The following PCDHA10 variants were observed in gnomAD, a reference collection of about 807,000 sequenced individuals.
PCDHA10 encodes the protein protocadherin alpha 10.
In PCDHA10, 45 loss-of-function variants were observed where a neutral mutation model predicts 61.2. The observed-to-expected ratio is 0.74, with a 90% CI of 0.58 to 0.94. The LOEUF is 0.94. PCDHA10 is among the 40% of genes least tolerant of loss of function. PCDHA10 has a pLI of 0.00. For missense variants in PCDHA10, 1,278 were observed against 1,236.2 expected (o/e 1.03, Z -0.51); for synonymous variants, 602 against 548.8 (o/e 1.10, Z -1.35).
At position 140,856,648 on chromosome 5, in the gene PCDHA10, T is replaced by C; in HGVS notation, c.600T>C (p.Asp200=). 1 of 1,598,290 alleles carries C rather than the reference T, an allele frequency of 6.3e-7. No homozygotes were observed. Among genetic ancestry groups the C allele is most frequent in the Non-Finnish European group, 8.6e-7 (1 of 1,167,750 alleles). Residue 200 remains aspartate, a synonymous_variant, in exon 1 of 4, where the codon GAT becomes GAC. Coordinates refer to ENST00000307360, the MANE Select transcript of PCDHA10 (RefSeq NM_018901.4). ...FPVLVLRKLL[D]REENPQLKLL... is the part of the protein sequence containing the mutation. Reference sequence around the variant, plus strand: ...TGCTTGTTCTGCGGAAGCTGCTGGATCGTGAAGAAAATCCTCAGCTAAAGT... The same window carrying C: ...TGCTTGTTCTGCGGAAGCTGCTGGACCGTGAAGAAAATCCTCAGCTAAAGT...
chr5:140,888,819 G>A (rs2061994549), intron 1 of PCDHA10, among the ~76,000 whole-genome samples: 1 of 151,908 alleles, frequency 6.6e-6, no homozygotes, highest in African/African-American at 2.4e-5. Context: ...TGTGATCTGT[G>A]ATCACATCAC....
intron 3 of PCDHA10, among the ~76,000 whole-genome samples, chr5:140,983,479 G>A (rs1297150913): frequency 1.3e-5 from 2 of 152,194 alleles, no homozygotes; most frequent in Non-Finnish European, 2.9e-5. Context: ...GATAATAGTA[G>A]TTACTAATTA....
rs782564165 is a variant in PCDHA10, at chr5:141,010,450, G to A, written c.*513G>A. ...AAGAAAACAAAGACAAATAAACAGC[G>A]GAAGTTATCAGTATGGAGGGGAAGT... On this transcript the variant is annotated 3_prime_UTR_variant, in exon 4 of 4. Transcript: ENST00000307360. The A allele has an allele frequency of 6.5e-6, 6 of 920,764 alleles. No individual in the cohort carries two copies. The East Asian group carries it at 8.2e-5, about 13-fold the overall frequency. 57.0% of individuals were successfully genotyped at this position (920,764 alleles called of 1,614,324 possible).
At chr5:140,950,608 T>G (rs1490243292) in intron 1 of PCDHA10, among the ~76,000 whole-genome samples, 1 of 152,086 alleles carries the variant, frequency 6.6e-6, no homozygotes, top group Non-Finnish European at 1.5e-5. Context: ...GACTATGATG[T>G]GCTTATTTAT....
chr5:140,874,141 T>C (rs1554167053), intron 1 of PCDHA10, among the ~76,000 whole-genome samples: 1 of 152,248 alleles, frequency 6.6e-6, no homozygotes, highest in South Asian at 2.1e-4. Context: ...TATCTTATAC[T>C]TGTAGAGCCA....
chr5:140,929,118 A>T, intron 1 of PCDHA10: 2 of 1,614,150 alleles, frequency 1.2e-6, no homozygotes, highest in Non-Finnish European at 1.7e-6. Context: ...CAGCCACCAT[A>T]GATGTCACTA....
intron 1 of PCDHA10, among the ~76,000 whole-genome samples, chr5:140,941,599 G>A (rs1017713166): frequency 3.3e-5 from 5 of 152,116 alleles, no homozygotes; most frequent in African/African-American, 1.2e-4. Flanking sequence ...ACAGCCATGA[G>A]CCATGGTGCC....
chr5:140,976,819 T>C (rs1380206599), intron 1 of PCDHA10, among the ~76,000 whole-genome samples: 3 of 152,222 alleles, frequency 2.0e-5, no homozygotes, highest in Admixed American at 2.0e-4. Flanking sequence ...TATGCATGTG[T>C]CTAATGAGCA....
In PCDHA10 at chr5:140,916,964, T is replaced by C. The variant is rs139574694; in HGVS notation, c.2388+58528T>C. On this transcript the variant is annotated intron_variant, in intron 1 of 3. Transcript: ENST00000307360. The stretch of plus-strand genomic sequence containing the variant: ...GTGAGGCTTGCTGAGTTCTGACTGC[T>C]GGGATGAGTGATTCGCCTCTGGCCA... Among the ~76,000 whole-genome samples, 15 of 152,322 alleles carry C rather than the reference T, an allele frequency of 9.8e-5. No individual in the cohort carries two copies. In the East Asian group the frequency reaches 2.9e-3, roughly 29 times the overall value.
chr5:140,981,232 T>G (rs768766953), intron 2 of PCDHA10, among the ~76,000 whole-genome samples: 32 of 152,216 alleles, frequency 2.1e-4, no homozygotes, highest in Non-Finnish European at 4.3e-4. Context: ...GTAGTCTAAA[T>G]TTTATTTTAG....
At chr5:140,881,563 T>C (rs894982822) in intron 1 of PCDHA10, among the ~76,000 whole-genome samples, 4 of 152,232 alleles carry the variant, frequency 2.6e-5, no homozygotes, top group Non-Finnish European at 5.9e-5. Flanking sequence ...AAATATCTTA[T>C]CTACATCTCA....
rs1554149566 is a variant in PCDHA10 at position 140,857,139 on chromosome 5, T to C, written c.1091T>C (p.Val364Ala). ...CTCCCAGTGAAAGAAGATGCTCAAG[T>C]GGGCACCGTCATTGCCCTAATCAGC... ...LSLPVKEDAQ[V>A]GTVIALISVS... Residue 364 changes from valine (V) to alanine (A), a missense_variant, in exon 1 of 4, where the codon GTG (valine) becomes GCG (alanine). By Grantham distance (64) the Val-to-Ala change is moderately conservative (BLOSUM62 0). Transcript: ENST00000307360. 4 of 1,598,152 alleles carry C rather than the reference T, an allele frequency of 2.5e-6. 1 individual carries two copies. The highest frequency in any genetic ancestry group is 1.7e-5 in the Admixed American group (1 of 59,246).
Position 140,857,273 on chromosome 5 carries a change from G to A in PCDHA10, c.1225G>A (p.Asp409Asn). 3 of 1,598,730 alleles carry A rather than the reference G, an allele frequency of 1.9e-6. No homozygotes were observed. Among genetic ancestry groups the A allele is most frequent in the Middle Eastern group, 1.7e-4 (1 of 5,924 alleles). The change falls in exon 1 of 4, where the codon GAC (aspartate) becomes AAC (asparagine). Residue 409 changes from aspartate (D) to asparagine (N), a missense_variant. Asp to Asn is a conservative substitution (Grantham distance 23). Coordinates refer to ENST00000307360, the MANE Select transcript of PCDHA10 (RefSeq NM_018901.4). ...CAAGAATTACTACTCATTGGTGCTG[G>A]ACAGCGCTCTGGACCGCGAGAGGGT... The part of the protein sequence containing the change: ...TYKNYYSLVL[D>N]SALDRERVSA...
At position 140,857,227 on chromosome 5, in the gene PCDHA10, G is replaced by T. The variant is rs148283153; in HGVS notation, c.1179G>T (p.Pro393=). Residue 393 remains proline, a synonymous_variant, in exon 1 of 4, where the codon CCG becomes CCT. Transcript: ENST00000307360. ...CCTGCTCTCTGACGCCTCACGTTCC[G>T]TTCAAGCTGGTGTCCACCTACAAGA... is the stretch of plus-strand genomic sequence containing the variant. ...QVTCSLTPHV[P]FKLVSTYKNY... The T allele has an allele frequency of 7.5e-6, 12 of 1,598,330 alleles. No homozygotes were observed. In the African/African-American group the frequency reaches 1.5e-4, roughly 20 times the overall value.
intron 1 of PCDHA10, among the ~76,000 whole-genome samples, chr5:140,958,215 T>G (rs1554223379): frequency 6.6e-6 from 1 of 152,132 alleles, no homozygotes; most frequent in Non-Finnish European, 1.5e-5. Context: ...GAATTAGATT[T>G]TAAAGGACTT....
intron 1 of PCDHA10, among the ~76,000 whole-genome samples, chr5:140,923,382 G>A (rs1554201427): frequency 6.6e-6 from 1 of 152,114 alleles, no homozygotes; most frequent in Non-Finnish European, 1.5e-5. Context: ...TTAAAAATTA[G>A]TTGGGCATGG....
At chr5:140,877,525 G>A (rs1562735759) in intron 1 of PCDHA10, 7 of 1,613,804 alleles carry the variant, frequency 4.3e-6, no homozygotes, top group Non-Finnish European at 5.9e-6. Flanking sequence ...GGCCTCAGTG[G>A]GCGCTGTGGA....
chr5:140,991,308 C>T (rs374484318), intron 3 of PCDHA10, among the ~76,000 whole-genome samples: 1 of 152,282 alleles, frequency 6.6e-6, no homozygotes, highest in South Asian at 2.1e-4. Flanking sequence ...ATTATCTTGT[C>T]CCGCATGATA....
At chr5:140,969,553 G>T in intron 1 of PCDHA10, 1 of 1,229,652 alleles carries the variant, frequency 8.1e-7, no homozygotes, top group Non-Finnish European at 1.1e-6. Flanking sequence ...ATGAAGCCTT[G>T]TCCATAAAAT....
Sources: gnomAD v4.1 joint callset for allele counts (sites outside exome capture counted in the v4.1 genomes callset) on GRCh38, gnomAD v4.1.1 for gene constraint, MANE v1.5 for transcripts, NCBI Gene and HGNC (gene_info 2026-07-23, HGNC 2026-07-21) for gene names.